Variants in STAT5B observed in about 807,000 individuals in gnomAD.
STAT5B encodes transcription factor STAT5B.
In STAT5B, 21 loss-of-function variants were observed where a neutral mutation model predicts 107.8. The observed-to-expected ratio is 0.19, with a 90% CI of 0.14 to 0.28. The LOEUF is 0.28. Among genes scored for constraint, STAT5B ranks in the 10% least tolerant of loss-of-function variants. The pLI, the probability that STAT5B is intolerant of heterozygous loss-of-function variation, is 1.00. For missense variants in STAT5B, 565 were observed against 1,008.2 expected (o/e 0.56, Z 5.95); for synonymous variants, 325 against 401.7 (o/e 0.81, Z 2.28).
At chr17:42,228,891 G>A (rs902432795) in intron 2 of STAT5B, among the ~76,000 whole-genome samples, 2 of 152,200 alleles carry the variant, frequency 1.3e-5, no homozygotes, top group South Asian at 2.1e-4. Context: ...CCAAGATTGC[G>A]CCACTGCACT....
chr17:42,217,310 G>A (rs187242819), intron 10 of STAT5B, 28 bp from the exon 11 acceptor site: 41 of 1,614,178 alleles, frequency 2.5e-5, no homozygotes, highest in East Asian at 1.8e-4. Flanking sequence ...AAGATGAAAC[G>A]TAAGATATAA....
At chr17:42,236,281 C>T (rs2080355788) in intron 1 of STAT5B, among the ~76,000 whole-genome samples, 2 of 152,136 alleles carry the variant, frequency 1.3e-5, no homozygotes, top group Non-Finnish European at 2.9e-5. Flanking sequence ...CTAACTAGTA[C>T]AGAGTCATTT....
intron 1 of STAT5B, among the ~76,000 whole-genome samples, chr17:42,236,866 C>T (rs1051690510): frequency 9.9e-5 from 15 of 152,170 alleles, no homozygotes; most frequent in African/African-American, 3.4e-4. Flanking sequence ...ATCTAGCCAT[C>T]GAACGCTACT....
At chr17:42,286,215 G>C in the STAT5B span, among the ~76,000 whole-genome samples, 4 of 128,970 alleles carry the variant, frequency 3.1e-5, no homozygotes, top group Admixed American at 2.6e-4. Flanking sequence ...TCTGGGCAAC[G>C]AGAGCGAAAC....
At chr17:42,265,167 A>T in intron 1 of STAT5B, among the ~76,000 whole-genome samples, 1 of 148,534 alleles carries the variant, frequency 6.7e-6, no homozygotes. Context: ...TTGCCTGTTC[A>T]CTCTGATGGT....
chr17:42,263,820 C>T (rs1046241284), intron 1 of STAT5B, among the ~76,000 whole-genome samples: 3 of 151,504 alleles, frequency 2.0e-5, no homozygotes, highest in Non-Finnish European at 4.4e-5. Flanking sequence ...AGTCACTGTG[C>T]CCAGCCATAA....
intron 13 of STAT5B, among the ~76,000 whole-genome samples, chr17:42,211,296 T>G (rs2080126870): frequency 1.3e-5 from 2 of 151,832 alleles, no homozygotes; most frequent in South Asian, 2.1e-4. Flanking sequence ...TCACCTGAGG[T>G]CGGGAGTTCG....
intron 11 of STAT5B, among the ~76,000 whole-genome samples, chr17:42,216,938 C>A (rs1331777584): frequency 1.3e-5 from 2 of 152,090 alleles, no homozygotes; most frequent in African/African-American, 4.8e-5. Context: ...CTCAACCTAC[C>A]AAAGTGCTGG....
intron 15 of STAT5B, among the ~76,000 whole-genome samples, chr17:42,208,130 G>A (rs1423653598): frequency 6.6e-6 from 1 of 152,062 alleles, no homozygotes; most frequent in Non-Finnish European, 1.5e-5. Flanking sequence ...CTGACCTCAT[G>A]ATCCACCCAC....
At chr17:42,209,103 T>C (rs1369517594) in intron 15 of STAT5B, among the ~76,000 whole-genome samples, 1 of 150,020 alleles carries the variant, frequency 6.7e-6, no homozygotes, top group East Asian at 2.0e-4. Context: ...GATGTGATCA[T>C]GACTCACTGT....
At chr17:42,286,233 C>CAAAAAA in the STAT5B span, among the ~76,000 whole-genome samples, 4 of 52,390 alleles carry the variant, frequency 7.6e-5, no homozygotes, top group South Asian at 7.7e-4. Flanking sequence ...AACTCCATCT[C>CAAAAAA]AAAAAAAAAA....
chr17:42,238,900 C>T (rs2080379082), intron 1 of STAT5B, among the ~76,000 whole-genome samples: 1 of 151,236 alleles, frequency 6.6e-6, no homozygotes, highest in Non-Finnish European at 1.5e-5. Flanking sequence ...GAGGGTGGTA[C>T]AGTAACAGCA....
chr17:42,234,420 A>C (rs774492011), intron 1 of STAT5B: 5 of 152,162 alleles, frequency 3.3e-5, no homozygotes, highest in African/African-American at 4.8e-5. Context: ...ACTTAGATAA[A>C]AGAGCTCTCT....
chr17:42,210,661 G>T, intron 13 of STAT5B, 164 bp from the exon 14 acceptor site: 7 of 691,060 alleles, frequency 1.0e-5, no homozygotes, highest in Non-Finnish European at 2.5e-6. Flanking sequence ...CCCATGGAGA[G>T]GAAAAGAGGG....
intron 1 of STAT5B, among the ~76,000 whole-genome samples, chr17:42,252,520 T>C (rs1331603608): frequency 6.6e-6 from 1 of 152,206 alleles, no homozygotes; most frequent in East Asian, 1.9e-4. Context: ...AGTAATTGTG[T>C]ATTGAATACA....
intron 16 of STAT5B, 71 bp downstream of exon 16, chr17:42,207,487 G>GCA (rs57356051): frequency 0.052 from 62,697 of 1,194,826 alleles, 331 homozygotes; most frequent in Middle Eastern, 0.075. Flanking sequence ...ACGCAGGTAT[G>GCA]CACACACACA....
In STAT5B at chr17:42,208,199, G is replaced by C. The variant is rs557291688; in HGVS notation, c.1907-471C>G. Reference sequence around the variant, plus strand: ...GAGCCACCGTGCCCGGCCTGAAATAGTTTTAAAAGCCATGGGTAGGGGCCA... The same window carrying C: ...GAGCCACCGTGCCCGGCCTGAAATACTTTTAAAAGCCATGGGTAGGGGCCA... On this transcript the variant is annotated intron_variant, in intron 15 of 18. Transcript: ENST00000293328. Among the ~76,000 whole-genome samples, 256 of 152,034 alleles carry C rather than the reference G, an allele frequency of 1.7e-3. 1 individual carries two copies. Among genetic ancestry groups the C allele is most frequent in the Non-Finnish European group, 3.0e-3 (202 of 67,972 alleles).
At chr17:42,236,661 T>C (rs780074604) in intron 1 of STAT5B, among the ~76,000 whole-genome samples, 2 of 152,180 alleles carry the variant, frequency 1.3e-5, no homozygotes, top group African/African-American at 4.8e-5. Flanking sequence ...GGTCTTGAAC[T>C]ACTGACCTCA....
At chr17:42,232,839 A>G (rs920000949) in intron 1 of STAT5B, among the ~76,000 whole-genome samples, 3 of 146,934 alleles carry the variant, frequency 2.0e-5, no homozygotes, top group Non-Finnish European at 4.5e-5. Flanking sequence ...ATTAGCAGAG[A>G]GTTTTTTTTT....
Sources: gnomAD v4.1 joint callset for allele counts (sites outside exome capture counted in the v4.1 genomes callset) on GRCh38, gnomAD v4.1.1 for gene constraint, MANE v1.5 for transcripts, NCBI Gene and HGNC (gene_info 2026-07-23, HGNC 2026-07-21) for gene names.